Variants in CNOT4 observed in about 807,000 individuals in gnomAD.
CNOT4 encodes CCR4-NOT transcription complex subunit 4.
Under a neutral mutation model 73.8 loss-of-function variants are expected in CNOT4, and 8 were observed. The observed-to-expected ratio is 0.11, with a 90% CI of 0.06 to 0.20. The LOEUF (loss-of-function observed/expected upper bound fraction) is 0.20. Ranked by LOEUF, CNOT4 falls within the 10% of genes least tolerant of loss-of-function variation. The pLI, the probability that CNOT4 is intolerant of heterozygous loss-of-function variation, is 1.00. For synonymous variants in CNOT4, 293 were observed against 321.1 expected (o/e 0.91, Z 0.94); for missense variants, 564 against 883.4 (o/e 0.64, Z 4.58).
At chr7:135,497,473 G>C (rs1191157249) in intron 1 of CNOT4, among the ~76,000 whole-genome samples, 1 of 151,956 alleles carries the variant, frequency 6.6e-6, no homozygotes, top group Non-Finnish European at 1.5e-5. Context: ...AGTATTTATT[G>C]AGCATCTACC....
At chr7:135,400,408 T>C (rs1044934957) in intron 7 of CNOT4, among the ~76,000 whole-genome samples, 2 of 152,020 alleles carry the variant, frequency 1.3e-5, no homozygotes, top group Non-Finnish European at 2.9e-5. Context: ...GGCTTCAAGC[T>C]GAGAGAAAGA....
At chr7:135,495,688 AAAAAAGAAAGAAAGAAAGAAAG>A (rs1563083464) in intron 1 of CNOT4, among the ~76,000 whole-genome samples, 611 of 53,224 alleles carry the variant, frequency 0.011, 38 homozygotes, top group African/African-American at 0.025. Context: ...AAAAAAAAAA[AAAAAAGAAAGAAAGAAAGAAAG>A]AAAGAAAGAA....
chr7:135,427,863 T>A (rs1215483523), intron 2 of CNOT4, among the ~76,000 whole-genome samples: 9 of 152,168 alleles, frequency 5.9e-5, no homozygotes, highest in African/African-American at 2.2e-4. Context: ...ACAGAAAATC[T>A]GATTAACAAT....
At chr7:135,506,004 CAAA>C in intron 1 of CNOT4, among the ~76,000 whole-genome samples, 1 of 152,106 alleles carries the variant, frequency 6.6e-6, no homozygotes, top group South Asian at 2.1e-4. Flanking sequence ...CCTTGCATCA[CAAA>C]AATAACTGGG....
chr7:135,392,693 T>C (rs1301072095), intron 10 of CNOT4, among the ~76,000 whole-genome samples: 3 of 152,158 alleles, frequency 2.0e-5, no homozygotes, highest in Non-Finnish European at 4.4e-5. Context: ...AATAACTACA[T>C]TACGTGCTAC....
intron 1 of CNOT4, among the ~76,000 whole-genome samples, chr7:135,474,435 C>T (rs1327296774): frequency 6.6e-6 from 1 of 151,966 alleles, no homozygotes; most frequent in Non-Finnish European, 1.5e-5. Flanking sequence ...CAGGTGGGTG[C>T]CACTACATCC....
intron 1 of CNOT4, among the ~76,000 whole-genome samples, chr7:135,503,719 T>C (rs1804158341): frequency 6.6e-6 from 1 of 152,180 alleles, no homozygotes; most frequent in Non-Finnish European, 1.5e-5. Flanking sequence ...CAGAAAGATT[T>C]AATGCAGAAT....
chr7:135,479,198 ATTTTTTT>A (rs61487024), intron 1 of CNOT4, among the ~76,000 whole-genome samples: 215 of 89,860 alleles, frequency 2.4e-3, no homozygotes, highest in African/African-American at 9.1e-3. Flanking sequence ...TTAGAACCAA[ATTTTTTT>A]TTTTTTTTTT....
intron 1 of CNOT4, among the ~76,000 whole-genome samples, chr7:135,448,751 G>A (rs1395016268): frequency 2.0e-5 from 3 of 151,952 alleles, no homozygotes; most frequent in South Asian, 2.1e-4. Flanking sequence ...GGACAATATC[G>A]ATAAAGAGAC....
In CNOT4 at chr7:135,460,761, C is replaced by T. The variant is rs528927648; in HGVS notation, c.-92-22338G>A. Among the ~76,000 whole-genome samples the T allele has an allele frequency of 2.0e-5, 3 of 152,102 alleles. No homozygotes were observed. The South Asian group carries it at 6.2e-4, about 32-fold the overall frequency. On this transcript the variant is annotated intron_variant, in intron 1 of 11. Coordinates refer to ENST00000541284, the MANE Select transcript of CNOT4 (RefSeq NM_001190850.2). ...TGCTTGACTCAGGGTTGCCACAAACCTTCAATTTGAAAAAAAAGCAGTATC... is the reference window on the plus strand; with the variant it reads ...TGCTTGACTCAGGGTTGCCACAAACTTTCAATTTGAAAAAAAAGCAGTATC...
rs541103764 is a variant in CNOT4 at position 135,386,587 on chromosome 7, C to A, written c.1627+7331G>T. On this transcript the variant is annotated intron_variant, in intron 10 of 11. Coordinates refer to ENST00000541284, the MANE Select transcript of CNOT4 (RefSeq NM_001190850.2). ...TTAAAGCTTCAGGTTTTTTAAAAAA[C>A]CATGTTTAAATAAAATATTAGGTAA... 147 of 152,008 alleles carry A rather than the reference C, an allele frequency of 9.7e-4. 1 individual carries two copies. The highest frequency in any genetic ancestry group is 3.4e-3 in the African/African-American group (140 of 41,462). The allele number at this position is 152,008 out of a possible 1,614,324, so 9.4% of individuals were successfully genotyped here.
chr7:135,463,153 A>G (rs1404113695), intron 1 of CNOT4, among the ~76,000 whole-genome samples: 1 of 152,228 alleles, frequency 6.6e-6, no homozygotes, highest in Non-Finnish European at 1.5e-5. Flanking sequence ...GTTTGAAGTC[A>G]GGTAAAACAA....
intron 1 of CNOT4, among the ~76,000 whole-genome samples, chr7:135,440,416 C>G (rs1453097253): frequency 3.3e-5 from 5 of 151,584 alleles, no homozygotes; most frequent in Admixed American, 3.3e-4. Flanking sequence ...TGATCTAGCG[C>G]CTCTTTCAAA....
At chr7:135,423,842 AG>A (rs1382721786) in intron 2 of CNOT4, among the ~76,000 whole-genome samples, 1 of 152,132 alleles carries the variant, frequency 6.6e-6, no homozygotes, top group East Asian at 1.9e-4. Context: ...TGTGAGTGGA[AG>A]GCATACAAAG....
intron 1 of CNOT4, among the ~76,000 whole-genome samples, chr7:135,450,279 A>G (rs1485460339): frequency 6.6e-6 from 1 of 152,198 alleles, no homozygotes; most frequent in African/African-American, 2.4e-5. Context: ...ACGTTTTTTA[A>G]GAAGGAGGAA....
rs538878318 is a variant in CNOT4 at position 135,471,552 on chromosome 7, C to A, written c.-92-33129G>T. On this transcript the variant is annotated intron_variant, in intron 1 of 11. Transcript: ENST00000541284. Reference sequence around the variant, plus strand: ...TCTGATAAAATTATGTTTTGGGAAGCAAGATTATCAAGACATAAAATTATA... The same window carrying A: ...TCTGATAAAATTATGTTTTGGGAAGAAAGATTATCAAGACATAAAATTATA... 7.9e-5 allele frequency among the ~76,000 whole-genome samples: 12 copies of A among 152,122 alleles called. No individual in the cohort carries two copies. The South Asian group carries it at 2.5e-3, about 32-fold the overall frequency.
chr7:135,459,649 T>C (rs757323623), intron 1 of CNOT4, among the ~76,000 whole-genome samples: 1 of 152,164 alleles, frequency 6.6e-6, no homozygotes, highest in Non-Finnish European at 1.5e-5. Flanking sequence ...GGTTGTTCCA[T>C]TTACAGAGCA....
At chr7:135,387,432 A>C in intron 10 of CNOT4, 1 of 983,574 alleles carries the variant, frequency 1.0e-6, no homozygotes, top group Non-Finnish European at 1.2e-6. Flanking sequence ...TTTTATATAG[A>C]GGTAACCTTG....
At chr7:135,494,240 C>T (rs1033216095) in intron 1 of CNOT4, among the ~76,000 whole-genome samples, 3 of 151,970 alleles carry the variant, frequency 2.0e-5, no homozygotes, top group South Asian at 2.1e-4. Context: ...GAGGCCAAGG[C>T]GGGCAGATCA....
Sources: allele counts gnomAD v4.1 joint callset (sites outside exome capture counted in the v4.1 genomes callset), GRCh38; gene constraint gnomAD v4.1.1; transcripts MANE v1.5; gene names NCBI Gene and HGNC (gene_info 2026-07-23, HGNC 2026-07-21).